The following SHLD2 variants were observed in gnomAD, a reference collection of about 807,000 sequenced individuals.
SHLD2 encodes shieldin complex subunit 2.
Under a neutral mutation model 73.2 loss-of-function variants are expected in SHLD2, and 30 were observed. The ratio of observed to expected loss-of-function variants is 0.41; its 90% CI spans 0.31 to 0.56. SHLD2 has a LOEUF of 0.56. Among genes scored for constraint, SHLD2 ranks in the 20% least tolerant of loss-of-function variants. The probability of loss-of-function intolerance (pLI) is 0.28; values close to 1 mark genes in which losing one functional copy is unlikely to be tolerated. For missense variants in SHLD2, 745 were observed against 1,055.9 expected (o/e 0.71, Z 4.08); for synonymous variants, 285 against 370.1 (o/e 0.77, Z 2.64).
chr10:87,149,117 A>C (rs1589567682), intron 2 of SHLD2, among the ~76,000 whole-genome samples: 1 of 151,678 alleles, frequency 6.6e-6, no homozygotes, highest in Non-Finnish European at 1.5e-5. Flanking sequence ...CGGACTCCTG[A>C]CCTCAGGTGA....
Position 87,190,940 on chromosome 10 carries a change from C to T in SHLD2, c.*257C>T. On this transcript the variant is annotated 3_prime_UTR_variant, in exon 10 of 10. Transcript: ENST00000298786. ...AGTCAAGGCAATATGTAGCAGATCC[C>T]TGGGAATTAAAGGTTTGCCCATTTG... is the stretch of plus-strand genomic sequence containing the variant. 2.0e-6 allele frequency: 1 copy of T among 500,946 alleles called. No homozygotes were observed. The allele number at this position is 500,946 out of a possible 1,614,324, so 31.0% of individuals were successfully genotyped here. A position where few individuals can be genotyped will look rare whatever the true frequency, so the allele number is the denominator to read the frequency against.
chr10:87,151,705 C>G lies in SHLD2; in HGVS notation c.351C>G (p.Ser117Arg). The change falls in exon 3 of 10, where the codon AGC (serine) becomes AGG (arginine). Residue 117 changes from serine to arginine, a missense_variant. By Grantham distance (110) the Ser-to-Arg change is moderately radical. This residue lies in a region of SHLD2 where 280 missense variants were observed against 353.9 expected (regional missense o/e 0.79). Coordinates refer to ENST00000298786, the MANE Select transcript of SHLD2 (RefSeq NM_001330112.2). ...IHSSRLSDITSSNMQICGFKS... is the reference protein window; with the variant it reads ...IHSSRLSDITRSNMQICGFKS... ...CCTCTAGACTGAGTGATATAACTAG[C>G]TCTAATATGCAAATATGTGGATTTA... 6.2e-7 allele frequency: 1 copy of G among 1,611,898 alleles called. No homozygotes were observed. The highest frequency in any genetic ancestry group is 1.3e-5 in the African/African-American group (1 of 74,956).
chr10:87,163,074 A>G lies in SHLD2; in HGVS notation c.1633+4919A>G, dbSNP rs1031395681. On this transcript the variant is annotated intron_variant, in intron 4 of 9. Coordinates refer to ENST00000298786, the MANE Select transcript of SHLD2 (RefSeq NM_001330112.2). Reference sequence around the variant, plus strand: ...TAATTGCAAAATATATAGGAGAATGATTCACTAAGTTATGCTACATTCACA... The same window carrying G: ...TAATTGCAAAATATATAGGAGAATGGTTCACTAAGTTATGCTACATTCACA... Among the ~76,000 whole-genome samples, 8 of 152,170 alleles carry G rather than the reference A, an allele frequency of 5.3e-5. No individual in the cohort carries two copies. In the South Asian group the frequency reaches 6.2e-4, roughly 12 times the overall value.
intron 6 of SHLD2, among the ~76,000 whole-genome samples, chr10:87,172,793 C>T (rs1260391654): frequency 6.6e-6 from 1 of 151,708 alleles, no homozygotes; most frequent in Non-Finnish European, 1.5e-5. Flanking sequence ...ATAATAGTAT[C>T]TCATTTTAAT....
chr10:87,189,826 G>A (rs900935947), intron 9 of SHLD2, among the ~76,000 whole-genome samples: 14 of 152,102 alleles, frequency 9.2e-5, no homozygotes, highest in Middle Eastern at 3.4e-3. Flanking sequence ...TTAAGTGACC[G>A]ATTCAAGATT....
chr10:87,153,247 C>T (rs1306042616), intron 3 of SHLD2, among the ~76,000 whole-genome samples: 2 of 152,020 alleles, frequency 1.3e-5, no homozygotes, highest in Non-Finnish European at 2.9e-5. Flanking sequence ...ACACAGAACC[C>T]GTCTCTACAA....
At chr10:87,154,440 G>T (rs1846247265) in intron 3 of SHLD2, 1 of 151,344 alleles carries the variant, frequency 6.6e-6, no homozygotes, top group Non-Finnish European at 1.5e-5. Context: ...GAGCGCAGTG[G>T]CACAATCTTG....
intron 4 of SHLD2, among the ~76,000 whole-genome samples, chr10:87,167,948 G>C (rs1208458169): frequency 6.6e-6 from 1 of 151,976 alleles, no homozygotes. Flanking sequence ...CCCAGCCCCA[G>C]AACAACTATT....
intron 2 of SHLD2, among the ~76,000 whole-genome samples, chr10:87,118,393 T>C (rs1344593033): frequency 6.6e-6 from 1 of 152,114 alleles, no homozygotes; most frequent in Non-Finnish European, 1.5e-5. Flanking sequence ...AGACTATAAC[T>C]AGTTTTTTCT....
chr10:87,123,267 C>T (rs1843750619), intron 2 of SHLD2, among the ~76,000 whole-genome samples: 1 of 152,184 alleles, frequency 6.6e-6, no homozygotes, highest in South Asian at 2.1e-4. Flanking sequence ...AATGAGATGT[C>T]AATGTCTACT....
chr10:87,176,835 A>G (rs922890418), intron 7 of SHLD2, among the ~76,000 whole-genome samples: 4 of 152,266 alleles, frequency 2.6e-5, no homozygotes, highest in Non-Finnish European at 5.9e-5. Flanking sequence ...AATTGAATAC[A>G]GAGATTTCAT....
At chr10:87,094,942 T>A, upstream of SHLD2, 1 of 324,224 alleles carries the variant, frequency 3.1e-6, no homozygotes, top group Non-Finnish European at 5.5e-6. The surrounding 1 kb of genome is among the most constrained non-coding windows in gnomAD (Gnocchi z 6.6). Flanking sequence ...GAGGACGGAC[T>A]TCGGGGACAG....
At position 87,152,094 on chromosome 10, in the gene SHLD2, C is replaced by A. The variant is rs1846056241; in HGVS notation, c.740C>A (p.Thr247Asn). Residue 247 changes from threonine to asparagine, a missense_variant, in exon 3 of 10, where the codon ACC becomes AAC. Around this residue, in one of 5 missense-constraint regions of SHLD2, gnomAD observed 280 missense variants for 353.9 expected, o/e 0.79. Coordinates refer to ENST00000298786, the MANE Select transcript of SHLD2 (RefSeq NM_001330112.2). ...GATACAGAATTTCTCAGTATAATTA[C>A]CTCCAGCCAGGTTGCTTTTTTAGCT... The part of the protein sequence containing the change: ...STDTEFLSII[T>N]SSQVAFLAQK... The A allele has an allele frequency of 1.9e-6, 3 of 1,611,970 alleles. No homozygotes were observed. The highest frequency in any genetic ancestry group is 1.1e-5 in the South Asian group (1 of 90,978).
intron 4 of SHLD2, among the ~76,000 whole-genome samples, chr10:87,166,671 CAA>C (rs1436136344): frequency 6.6e-6 from 1 of 152,078 alleles, no homozygotes; most frequent in Non-Finnish European, 1.5e-5. Context: ...TCTCTTGAGG[CAA>C]AGAGTTCAAG....
chr10:87,128,184 C>T (rs1366248720), intron 2 of SHLD2, among the ~76,000 whole-genome samples: 3 of 152,166 alleles, frequency 2.0e-5, no homozygotes, highest in Non-Finnish European at 4.4e-5. Flanking sequence ...AGGTAACCAT[C>T]CTCAACTCAT....
In SHLD2 at chr10:87,191,348, T is replaced by G. The variant is rs1189408884; in HGVS notation, c.*665T>G. ...TCATTGTGATTGTGGAAGAAGCTCA[T>G]GTAAAATGATAGTCATTAATGAGGA... is the stretch of plus-strand genomic sequence containing the variant. On this transcript the variant is annotated 3_prime_UTR_variant, in exon 10 of 10. Transcript: ENST00000298786. 1.3e-5 allele frequency: 2 copies of G among 155,056 alleles called. No individual in the cohort carries two copies. The highest frequency in any genetic ancestry group is 1.4e-5 in the Non-Finnish European group (1 of 69,762). The allele number at this position is 155,056 out of a possible 1,614,324, so 9.6% of individuals were successfully genotyped here. A position where few individuals can be genotyped will look rare whatever the true frequency, so the allele number is the denominator to read the frequency against.
intron 6 of SHLD2, among the ~76,000 whole-genome samples, chr10:87,175,136 A>T (rs1199654007): frequency 6.6e-6 from 1 of 151,166 alleles, no homozygotes; most frequent in East Asian, 1.9e-4. Flanking sequence ...AAAAAAAAAA[A>T]ATTGTTACTG....
Position 87,145,251 on chromosome 10 carries a change from G to A in SHLD2, c.-5-6099G>A, listed in dbSNP as rs1334907100. ...TCGGCATGAATATACACAGTACGTG[G>A]GTTATTAGTACTGTGTTGTTAACAC... On this transcript the variant is annotated intron_variant, in intron 2 of 9. Transcript: ENST00000298786. Among the ~76,000 whole-genome samples the A allele has an allele frequency of 2.6e-5, 4 of 151,994 alleles. No individual in the cohort carries two copies. In the East Asian group the frequency reaches 7.7e-4, roughly 29 times the overall value.
chr10:87,181,968 A>AT (rs1848338640), intron 8 of SHLD2, among the ~76,000 whole-genome samples: 5 of 151,592 alleles, frequency 3.3e-5, no homozygotes. Context: ...GGGTTTCTCC[A>AT]TGTTGGTCAG....
Sources: gnomAD v4.1 joint callset for allele counts (sites outside exome capture counted in the v4.1 genomes callset) on GRCh38, gnomAD v4.1.1 for gene constraint, gnomAD v4.1.1 regional missense constraint, Gnocchi (gnomAD v3.1) non-coding constraint, MANE v1.5 for transcripts, NCBI Gene and HGNC (gene_info 2026-07-23, HGNC 2026-07-21) for gene names.